Variants in CLASP2 observed in about 807,000 individuals in gnomAD.
CLASP2 encodes CLIP-associating protein 2.
Under a neutral mutation model 194.4 loss-of-function variants are expected in CLASP2, and 47 were observed. That is an observed-to-expected ratio of 0.24 (90% CI 0.19 to 0.31). The LOEUF is 0.31. Among genes scored for constraint, CLASP2 ranks in the 10% least tolerant of loss-of-function variants. CLASP2 has a pLI of 1.00. For synonymous variants in CLASP2, 619 were observed against 633.5 expected (o/e 0.98, Z 0.34); for missense variants, 1,445 against 1,823.6 (o/e 0.79, Z 3.78).
chr3:33,663,190 G>A (rs2085564987), intron 7 of CLASP2, among the ~76,000 whole-genome samples: 2 of 87,722 alleles, frequency 2.3e-5, no homozygotes, highest in Admixed American at 2.8e-4. Context: ...AAACAAGGCA[G>A]TATCACCAAA....
chr3:33,679,732 C>CA (rs2089467989), intron 6 of CLASP2, among the ~76,000 whole-genome samples: 1 of 152,148 alleles, frequency 6.6e-6, no homozygotes, highest in Admixed American at 6.5e-5. Flanking sequence ...CTGACAAGAT[C>CA]AAATCCTGGC....
intron 13 of CLASP2, 86 bp from the exon 14 acceptor site, chr3:33,608,712 T>A: frequency 1.0e-5 from 5 of 488,470 alleles, no homozygotes; most frequent in East Asian, 5.6e-5. Flanking sequence ...CTTTGCCCCC[T>A]AAATTAAAGC....
intron 8 of CLASP2, among the ~76,000 whole-genome samples, chr3:33,636,272 CT>C (rs1179475060): frequency 3.9e-5 from 6 of 151,966 alleles, no homozygotes. Flanking sequence ...CTAAGCAAAC[CT>C]TTTTTTCCTG....
intron 11 of CLASP2, among the ~76,000 whole-genome samples, chr3:33,620,997 T>TTGTGTGTGTGTGTG (rs60682503): frequency 7.0e-6 from 1 of 142,554 alleles, no homozygotes; most frequent in Non-Finnish European, 1.5e-5. Flanking sequence ...CTGTAGCTCT[T>TTGTGTGTGTGTGTG]TGTGTGTGTG....
chr3:33,501,478 C>G (rs2046835670), intron 38 of CLASP2, among the ~76,000 whole-genome samples, 174 bp downstream of exon 38: 1 of 152,070 alleles, frequency 6.6e-6, no homozygotes, highest in Admixed American at 6.6e-5. Flanking sequence ...GAACATCTAA[C>G]AAATGTTAGA....
At position 33,538,962 on chromosome 3, in the gene CLASP2, A is replaced by G. The variant is rs956212765; in HGVS notation, c.3405-20T>C. Reference sequence around the variant, plus strand: ...AATGCACTATGAAAAAGACGACACTAATTTTTACTTAGGTGTAGTTTTAAA... The same window carrying G: ...AATGCACTATGAAAAAGACGACACTGATTTTTACTTAGGTGTAGTTTTAAA... On this transcript the variant is annotated intron_variant, in intron 32 of 38. Transcript: ENST00000682230. The G allele has an allele frequency of 6.5e-7, 1 of 1,533,850 alleles. No homozygotes were observed. The highest frequency in any genetic ancestry group is 8.8e-7 in the Non-Finnish European group (1 of 1,140,498).
At chr3:33,618,743 G>C (rs2076631785) in intron 12 of CLASP2, among the ~76,000 whole-genome samples, 1 of 152,116 alleles carries the variant, frequency 6.6e-6, no homozygotes, top group Non-Finnish European at 1.5e-5. Flanking sequence ...CATTTGTATA[G>C]GCACAGAATA....
chr3:33,616,583 A>T (rs2076204085), intron 12 of CLASP2, among the ~76,000 whole-genome samples: 1 of 152,108 alleles, frequency 6.6e-6, no homozygotes, highest in African/African-American at 2.4e-5. Flanking sequence ...TCCTGATCAA[A>T]CTTTAGCAAA....
At chr3:33,561,961 T>C (rs1006061395) in intron 27 of CLASP2, among the ~76,000 whole-genome samples, 1 of 152,182 alleles carries the variant, frequency 6.6e-6, no homozygotes, top group African/African-American at 2.4e-5. Context: ...AAAGTAAATA[T>C]GATAATTTGA....
chr3:33,602,546 G>A (rs1377999076), intron 18 of CLASP2: 2 of 763,228 alleles, frequency 2.6e-6, no homozygotes, highest in East Asian at 2.4e-5. Flanking sequence ...GTTAGACAGA[G>A]TAGAGCTTTG....
intron 25 of CLASP2, 56 bp downstream of exon 25, chr3:33,573,054 T>C: frequency 1.3e-6 from 2 of 1,594,070 alleles, no homozygotes; most frequent in East Asian, 2.2e-5. Context: ...AGAAACAAAG[T>C]AAAATCAAAA....
At chr3:33,528,848 T>C (rs112427822) in intron 34 of CLASP2, among the ~76,000 whole-genome samples, 21 of 152,032 alleles carry the variant, frequency 1.4e-4, no homozygotes, top group African/African-American at 4.6e-4. Context: ...GATAGACAGA[T>C]AAAGGGCCTC....
At chr3:33,560,380 T>C (rs953636528) in intron 28 of CLASP2, among the ~76,000 whole-genome samples, 2 of 152,026 alleles carry the variant, frequency 1.3e-5, no homozygotes, top group Non-Finnish European at 2.9e-5. Flanking sequence ...GTAGCTGAGA[T>C]TACAGGTGCC....
intron 12 of CLASP2, among the ~76,000 whole-genome samples, chr3:33,613,164 T>C (rs2075504864): frequency 6.6e-6 from 1 of 152,204 alleles, no homozygotes; most frequent in South Asian, 2.1e-4. Context: ...ATATTAATTT[T>C]TTGTAAATGC....
chr3:33,569,890 A>G (rs1309014725), intron 26 of CLASP2, among the ~76,000 whole-genome samples: 1 of 152,198 alleles, frequency 6.6e-6, no homozygotes, highest in African/African-American at 2.4e-5. Context: ...TACTAAAAAT[A>G]GAAAAAAATG....
intron 34 of CLASP2, among the ~76,000 whole-genome samples, chr3:33,526,932 G>A (rs1011327641): frequency 1.3e-5 from 2 of 152,130 alleles, no homozygotes; most frequent in Non-Finnish European, 2.9e-5. Flanking sequence ...TGAAAACAAT[G>A]AGAACAAAGA....
At chr3:33,592,067 A>G (rs895280452) in intron 21 of CLASP2, 3 of 615,500 alleles carry the variant, frequency 4.9e-6, no homozygotes, top group African/African-American at 3.7e-5. Context: ...TCTCCATGCA[A>G]AAGTTTGTAT....
intron 34 of CLASP2, among the ~76,000 whole-genome samples, chr3:33,527,781 G>A (rs913102912): frequency 9.9e-5 from 15 of 152,044 alleles, no homozygotes; most frequent in Admixed American, 3.3e-4. Flanking sequence ...GGCCAACATA[G>A]TTAAAACCCA....
At chr3:33,503,816 T>C (rs921688360) in intron 37 of CLASP2, 1 of 152,196 alleles carries the variant, frequency 6.6e-6, no homozygotes, top group Non-Finnish European at 1.5e-5. Context: ...GTATAAGGGT[T>C]CCAATTTTTG....
Sources: allele counts gnomAD v4.1 joint callset (sites outside exome capture counted in the v4.1 genomes callset), GRCh38; gene constraint gnomAD v4.1.1; transcripts MANE v1.5; gene names NCBI Gene and HGNC (gene_info 2026-07-23, HGNC 2026-07-21).